The following XKR6 variants were observed in gnomAD, a reference collection of about 807,000 sequenced individuals.
The protein encoded by XKR6 is XK related 6.
A neutral mutation model predicts 56.7 loss-of-function variants in XKR6; 22 were observed. The observed-to-expected ratio is 0.39, with a 90% CI of 0.28 to 0.55. XKR6 has a LOEUF of 0.55. Among genes scored for constraint, XKR6 ranks in the 20% least tolerant of loss-of-function variants. The pLI, the probability that XKR6 is intolerant of heterozygous loss-of-function variation, is 0.66. For missense variants in XKR6, 852 were observed against 889.0 expected (o/e 0.96, Z 0.53); for synonymous variants, 524 against 387.8 (o/e 1.35, Z -4.13).
chr8:10,978,857 G>C (rs1439420000), intron 1 of XKR6, among the ~76,000 whole-genome samples: 2 of 152,170 alleles, frequency 1.3e-5, no homozygotes, highest in Non-Finnish European at 2.9e-5. Context: ...ACCGTGGCCT[G>C]TGGGCAGGGC....
chr8:10,965,777 A>G (rs1478999529), intron 1 of XKR6, among the ~76,000 whole-genome samples: 4 of 152,242 alleles, frequency 2.6e-5, no homozygotes, highest in African/African-American at 9.6e-5. Context: ...GAAAGTGAGA[A>G]CGATTGAACA....
intron 1 of XKR6, among the ~76,000 whole-genome samples, chr8:11,075,990 A>C (rs1287612307): frequency 2.0e-5 from 3 of 152,228 alleles, no homozygotes; most frequent in Non-Finnish European, 4.4e-5. Flanking sequence ...TGACACATGA[A>C]TGGAGAAACC....
At chr8:11,094,084 T>TA (rs1284515364) in intron 1 of XKR6, among the ~76,000 whole-genome samples, 2 of 71,802 alleles carry the variant, frequency 2.8e-5, no homozygotes, top group Non-Finnish European at 4.9e-5. Context: ...GCGCCCGGCC[T>TA]TTTTTTTTTT....
chr8:11,091,402 A>C (rs572257258), intron 1 of XKR6, among the ~76,000 whole-genome samples: 1 of 151,646 alleles, frequency 6.6e-6, no homozygotes, highest in African/African-American at 2.4e-5. Context: ...TGCACCCTGC[A>C]CTCCAGTCTG....
At chr8:11,108,212 A>G in intron 1 of XKR6, 1 of 448,494 alleles carries the variant, frequency 2.2e-6, no homozygotes, top group Non-Finnish European at 4.5e-6. Flanking sequence ...AATTAACCAA[A>G]TTCAGAAATA....
At chr8:11,008,404 G>T (rs1403325891) in intron 1 of XKR6, among the ~76,000 whole-genome samples, 2 of 150,874 alleles carry the variant, frequency 1.3e-5, no homozygotes, top group East Asian at 3.9e-4. Flanking sequence ...ATCCCCTAAA[G>T]GGGGCTCCCC....
chr8:11,196,414 C>CAAACA (rs545640719), intron 1 of XKR6, among the ~76,000 whole-genome samples: 27 of 149,010 alleles, frequency 1.8e-4, no homozygotes, highest in Non-Finnish European at 3.1e-4. Context: ...GCTCAAAAAG[C>CAAACA]AAACAAAACA....
intron 1 of XKR6, among the ~76,000 whole-genome samples, chr8:11,007,267 T>A (rs1271639074): frequency 3.3e-5 from 5 of 152,210 alleles, no homozygotes; most frequent in Admixed American, 3.3e-4. Flanking sequence ...CCATCTCCAG[T>A]GTCTTGTCAT....
intron 1 of XKR6, among the ~76,000 whole-genome samples, chr8:11,064,755 C>A (rs920005199): frequency 6.6e-6 from 1 of 152,118 alleles, no homozygotes. Flanking sequence ...TAACTTGTAA[C>A]GTGAAAGAAT....
chr8:11,084,653 G>C (rs938858598), intron 1 of XKR6, among the ~76,000 whole-genome samples: 1 of 152,190 alleles, frequency 6.6e-6, no homozygotes, highest in Middle Eastern at 3.2e-3. Context: ...AAGTCTGTTT[G>C]AGATAAGTTA....
chr8:11,082,552 G>C (rs909344902), intron 1 of XKR6, among the ~76,000 whole-genome samples: 1 of 152,226 alleles, frequency 6.6e-6, no homozygotes, highest in Non-Finnish European at 1.5e-5. Flanking sequence ...CTTCTGACTA[G>C]GTTACATGCT....
At chr8:10,994,342 G>A (rs1381823407) in intron 1 of XKR6, among the ~76,000 whole-genome samples, 3 of 152,226 alleles carry the variant, frequency 2.0e-5, no homozygotes, top group East Asian at 3.8e-4. Context: ...CCCTCTCCTG[G>A]GGATGGCACT....
intron 1 of XKR6, among the ~76,000 whole-genome samples, chr8:11,056,109 G>T (rs893720423): frequency 6.6e-6 from 1 of 152,188 alleles, no homozygotes; most frequent in African/African-American, 2.4e-5. Context: ...GACTCCTCCT[G>T]GACCCAGTGC....
intron 1 of XKR6, among the ~76,000 whole-genome samples, chr8:10,986,333 A>C (rs1301527750): frequency 6.6e-6 from 1 of 152,258 alleles, no homozygotes; most frequent in Non-Finnish European, 1.5e-5. Context: ...TAGAAAATAA[A>C]TAGAAGAATA....
Position 10,898,556 on chromosome 8 carries a change from C to T in XKR6, c.1322G>A (p.Arg441Gln), listed in dbSNP as rs780603148. The change falls in exon 3 of 3, where the codon CGA (arginine) becomes CAA (glutamine). Residue 441 changes from arginine (R) to glutamine (Q), a missense_variant. By Grantham distance (43) the Arg-to-Gln change is conservative. Coordinates refer to ENST00000416569, the MANE Select transcript of XKR6 (RefSeq NM_173683.4). The surrounding 1 kb of genome is among the most constrained non-coding windows in gnomAD (Gnocchi z 6.6). ...FNVKEGRTRYRMFAYYTIVLT... is the reference protein window; with the variant it reads ...FNVKEGRTRYQMFAYYTIVLT... ...GACTATCGTATAATATGCAAACATT[C>T]GATATCGAGTCCGCCCTTCCTTGAC... The T allele has an allele frequency of 1.2e-5, 20 of 1,613,966 alleles. No homozygotes were observed. Among genetic ancestry groups the T allele is most frequent in the East Asian group, 4.5e-5 (2 of 44,888 alleles).
chr8:11,016,416 CGCAGCGGGAG>C (rs1248750453), intron 1 of XKR6, among the ~76,000 whole-genome samples: 1 of 152,190 alleles, frequency 6.6e-6, no homozygotes, highest in African/African-American at 2.4e-5. Flanking sequence ...TGCCACCGGA[CGCAGCGGGAG>C]TAGCGCAGGT....
intron 1 of XKR6, among the ~76,000 whole-genome samples, chr8:11,003,396 CATT>C: frequency 6.6e-6 from 1 of 152,092 alleles, no homozygotes; most frequent in East Asian, 1.9e-4. Context: ...ACAATGTCAT[CATT>C]ATCACCATTA....
At chr8:10,929,157 C>T (rs571699268) in intron 1 of XKR6, among the ~76,000 whole-genome samples, 64 of 152,320 alleles carry the variant, frequency 4.2e-4, no homozygotes, top group Admixed American at 6.5e-4. Context: ...TGAGTGACCT[C>T]ACAGAGCACA....
intron 1 of XKR6, among the ~76,000 whole-genome samples, chr8:11,074,835 T>G (rs1187549807): frequency 6.6e-6 from 1 of 152,214 alleles, no homozygotes; most frequent in Middle Eastern, 3.2e-3. Flanking sequence ...CTGGAGCATC[T>G]GTGGGCAGCT....
Sources: allele counts gnomAD v4.1 joint callset (sites outside exome capture counted in the v4.1 genomes callset), GRCh38; gene constraint gnomAD v4.1.1; non-coding constraint Gnocchi (gnomAD v3.1); transcripts MANE v1.5; gene names NCBI Gene and HGNC (gene_info 2026-07-23, HGNC 2026-07-21).